PCDH15: variants seen among roughly 807,000 people sequenced by gnomAD.
The protein encoded by PCDH15 is protocadherin related 15.
PCDH15 carries 129 observed loss-of-function variants against 178.5 expected under a neutral mutation model. That is an observed-to-expected ratio of 0.72 (90% CI 0.63 to 0.84). The LOEUF (loss-of-function observed/expected upper bound fraction) is 0.84. PCDH15 is among the 40% of genes least tolerant of loss of function. PCDH15 has a pLI of 0.00. For synonymous variants in PCDH15, 800 were observed against 732.0 expected (o/e 1.09, Z -1.50); for missense variants, 2,230 against 2,099.9 (o/e 1.06, Z -1.21).
intron 28 of PCDH15, among the ~76,000 whole-genome samples, chr10:53,848,212 T>A (rs1232700996): frequency 6.7e-6 from 1 of 148,392 alleles, no homozygotes; most frequent in African/African-American, 2.5e-5. Flanking sequence ...ATTACAAAAA[T>A]AACAAGCTGT....
At chr10:55,090,177 G>A (rs1351761050) in intron 2 of PCDH15, among the ~76,000 whole-genome samples, 1 of 151,768 alleles carries the variant, frequency 6.6e-6, no homozygotes, top group Non-Finnish European at 1.5e-5. Flanking sequence ...AAAAATTAAT[G>A]TTATAGAAAA....
chr10:55,223,981 G>T (rs1038282817), intron 1 of PCDH15, among the ~76,000 whole-genome samples: 2 of 152,002 alleles, frequency 1.3e-5, no homozygotes, highest in African/African-American at 4.8e-5. Context: ...GCTGGAAGTG[G>T]TGGCTCACGC....
At chr10:55,503,805 T>C (rs897370223) in intron 2 of PCDH15, among the ~76,000 whole-genome samples, 1 of 151,366 alleles carries the variant, frequency 6.6e-6, no homozygotes, top group African/African-American at 2.4e-5. Context: ...GAATTATCAT[T>C]CATAGCAAAA....
chr10:55,078,536 C>G (rs1591885569), intron 2 of PCDH15, among the ~76,000 whole-genome samples: 1 of 151,846 alleles, frequency 6.6e-6, no homozygotes, highest in Admixed American at 6.6e-5. Context: ...TTTTGACTGA[C>G]TGGGTTATTT....
At chr10:55,520,945 G>C (rs1195413092) in intron 2 of PCDH15, among the ~76,000 whole-genome samples, 1 of 151,830 alleles carries the variant, frequency 6.6e-6, no homozygotes, top group Admixed American at 6.6e-5. Context: ...GTCTCTGTGT[G>C]TGTTTGTGGT....
At chr10:55,326,896 C>G (rs1323059824) in intron 2 of PCDH15, among the ~76,000 whole-genome samples, 1 of 151,994 alleles carries the variant, frequency 6.6e-6, no homozygotes, top group East Asian at 1.9e-4. Flanking sequence ...TTTAAAAATA[C>G]TTTCTAAACA....
chr10:54,223,641 A>G (rs2134222349), intron 9 of PCDH15, among the ~76,000 whole-genome samples: 1 of 151,320 alleles, frequency 6.6e-6, no homozygotes, highest in African/African-American at 2.4e-5. Flanking sequence ...CTGATTCCCT[A>G]CATATAGTAA....
At chr10:54,030,533 C>G (rs547057619) in intron 18 of PCDH15, among the ~76,000 whole-genome samples, 25 of 151,626 alleles carry the variant, frequency 1.6e-4, no homozygotes, top group Non-Finnish European at 3.4e-4. Context: ...GACTTACTGG[C>G]CAGAAGATAA....
intron 20 of PCDH15, among the ~76,000 whole-genome samples, chr10:54,004,396 T>TAC (rs199816870): frequency 0.01 from 750 of 72,888 alleles, 2 homozygotes; most frequent in Middle Eastern, 0.027. Context: ...ACCTAAAGAC[T>TAC]ACACACACAC....
At chr10:54,719,266 C>T (rs1440048108) in intron 1 of PCDH15, among the ~76,000 whole-genome samples, 1 of 152,064 alleles carries the variant, frequency 6.6e-6, no homozygotes, top group Non-Finnish European at 1.5e-5. Flanking sequence ...GAAGAAATAA[C>T]TTCAGAGCTG....
intron 2 of PCDH15, among the ~76,000 whole-genome samples, chr10:54,616,521 T>G (rs1814343657): frequency 6.6e-6 from 1 of 152,124 alleles, no homozygotes; most frequent in African/African-American, 2.4e-5. Context: ...AGGATGTGCT[T>G]GTTAAAATGC....
chr10:54,958,550 A>C lies in PCDH15; in HGVS notation c.-79-61050T>G, dbSNP rs186813771. Among the ~76,000 whole-genome samples, 35 of 151,970 alleles carry C rather than the reference A, an allele frequency of 2.3e-4. No individual in the cohort carries two copies. The East Asian group carries it at 3.5e-3, about 15-fold the overall frequency. On this transcript the variant is annotated intron_variant, in intron 2 of 5. Coordinates refer to the PCDH15 transcript ENST00000458638. The stretch of plus-strand genomic sequence containing the variant: ...GTTATGAATTAAACATTTAAATATC[A>C]AAGATAGAAACAAACAATAGTAAGA...
intron 27 of PCDH15, 147 bp downstream of exon 27, chr10:53,866,495 C>T (rs1000569507): frequency 1.8e-6 from 1 of 563,648 alleles, no homozygotes; most frequent in Non-Finnish European, 3.3e-6. Context: ...TATTCCTAAA[C>T]TATAGTGACT....
At chr10:55,623,144 A>G (rs1216432991) in intron 2 of PCDH15, among the ~76,000 whole-genome samples, 1 of 151,934 alleles carries the variant, frequency 6.6e-6, no homozygotes, top group Non-Finnish European at 1.5e-5. Context: ...TCCTATTCTC[A>G]TTGTTAAAAT....
intron 2 of PCDH15, among the ~76,000 whole-genome samples, chr10:55,464,047 AAGAAAGAAAG>A (rs1839772231): frequency 7.9e-6 from 1 of 126,346 alleles, no homozygotes; most frequent in African/African-American, 2.7e-5. Context: ...GAAAGAAAGA[AAGAAAGAAAG>A]AAAGAAAAGG....
chr10:53,982,170 A>G (rs2090704344), intron 21 of PCDH15, among the ~76,000 whole-genome samples: 1 of 152,158 alleles, frequency 6.6e-6, no homozygotes. Context: ...TCAGGAAACA[A>G]CAGGTGCTGG....
chr10:54,252,425 C>T (rs548637015), intron 8 of PCDH15, among the ~76,000 whole-genome samples: 29 of 152,280 alleles, frequency 1.9e-4, no homozygotes, highest in Admixed American at 1.1e-3. Flanking sequence ...ATTGATACTT[C>T]GAGGCAAAGC....
intron 9 of PCDH15, among the ~76,000 whole-genome samples, chr10:54,233,012 T>C (rs1348081484): frequency 1.3e-5 from 2 of 150,220 alleles, no homozygotes; most frequent in Non-Finnish European, 3.0e-5. Flanking sequence ...CGTAGCTCAC[T>C]GCAGCCCTGC....
At chr10:55,460,916 G>C (rs1231635005) in intron 2 of PCDH15, among the ~76,000 whole-genome samples, 1 of 152,034 alleles carries the variant, frequency 6.6e-6, no homozygotes, top group East Asian at 1.9e-4. Flanking sequence ...AAATTTGCTA[G>C]GTAGGATCCA....
Sources: gnomAD v4.1 joint callset for allele counts (sites outside exome capture counted in the v4.1 genomes callset) on GRCh38, gnomAD v4.1.1 for gene constraint, MANE v1.5 for transcripts, NCBI Gene and HGNC (gene_info 2026-07-23, HGNC 2026-07-21) for gene names.